STX10: variants seen among roughly 807,000 people sequenced by gnomAD.
The protein encoded by STX10 is syntaxin 10.
STX10 carries 35 observed loss-of-function variants against 34.1 expected under a neutral mutation model. The ratio of observed to expected loss-of-function variants is 1.03; its 90% CI spans 0.78 to 1.36. The LOEUF (loss-of-function observed/expected upper bound fraction) is 1.36, where lower values mean the gene tolerates loss of function less well. Ranked by LOEUF, STX10 falls within the 40% of genes most tolerant of loss-of-function variation. The pLI is 0.00. For synonymous variants in STX10, 155 were observed against 132.9 expected (o/e 1.17, Z -1.15); for missense variants, 361 against 335.5 (o/e 1.08, Z -0.59).
At position 13,149,046 on chromosome 19, in the gene STX10, C is replaced by T. The variant is rs1337288439; in HGVS notation, c.346G>A (p.Glu116Lys). The T allele has an allele frequency of 6.2e-7, 1 of 1,603,392 alleles. No individual in the cohort carries two copies. Among genetic ancestry groups the T allele is most frequent in the South Asian group, 1.1e-5 (1 of 88,916 alleles). The change falls in exon 4 of 8, where the codon GAG becomes AAG. Residue 116 changes from glutamate to lysine, a missense_variant. Coordinates refer to ENST00000587230, the MANE Select transcript of STX10 (RefSeq NM_003765.3). ...MVSPTAVAFL[E>K]RNNREILAGK... ...AGGCTTACCTCTCTGTTATTCCTCT[C>T]CAAAAATGCTACGGCTGTTGGGCTG...
At chr19:13,146,108 A>C (rs1183424384) in intron 4 of STX10, among the ~76,000 whole-genome samples, 2 of 151,764 alleles carry the variant, frequency 1.3e-5, no homozygotes, top group Non-Finnish European at 2.9e-5. Flanking sequence ...AAGGCAGCAG[A>C]ATCGCTTGAA....
chr19:13,146,866 A>T (rs186071524), intron 4 of STX10, among the ~76,000 whole-genome samples: 7 of 151,998 alleles, frequency 4.6e-5, no homozygotes, highest in Non-Finnish European at 1.0e-4. Context: ...TAGAGTTTGG[A>T]CTTGAATTCC....
rs907811157 is a variant in STX10, at chr19:13,145,405, C to T, written c.364-10G>A. On this transcript the variant is annotated splice_polypyrimidine_tract_variant and intron_variant, in intron 4 of 7. Coordinates refer to ENST00000587230, the MANE Select transcript of STX10 (RefSeq NM_003765.3). ...GCTTGCCTGCGAGTATCTGCAGGGG[C>T]ACACAACATAGGCTCAGGGAGAGAC... is the stretch of plus-strand genomic sequence containing the variant. 1.7e-5 allele frequency: 28 copies of T among 1,607,396 alleles called. No homozygotes were observed. The highest frequency in any genetic ancestry group is 2.4e-5 in the Non-Finnish European group (28 of 1,178,570).
rs2019878290 is a variant in STX10 at position 13,145,489 on chromosome 19, ACT to A, written c.364-96_364-95del. ...CCACGGTGGTAAGTCAGGGGGGCAG[ACT>A]CTGGGGCAGGACAGCCTGCATTCCC... On this transcript the variant is annotated intron_variant, in intron 4 of 7. Coordinates refer to ENST00000587230, the MANE Select transcript of STX10 (RefSeq NM_003765.3). 2.6e-5 allele frequency: 26 copies of A among 1,014,730 alleles called. 1 individual carries two copies. The South Asian group carries it at 3.8e-4, about 15-fold the overall frequency. The allele number at this position is 1,014,730 out of a possible 1,614,324, so 62.9% of individuals were successfully genotyped here.
Position 13,144,273 on chromosome 19 carries a change from G to C in STX10, c.*137C>G. ...CCACTGGCTCTAGGGGAGAGCCATG[G>C]GGACAGCTCCCCAGGCGGGACCCTC... is the stretch of plus-strand genomic sequence containing the variant. On this transcript the variant is annotated 3_prime_UTR_variant, in exon 8 of 8. Coordinates refer to ENST00000587230, the MANE Select transcript of STX10 (RefSeq NM_003765.3). 8.1e-7 allele frequency: 1 copy of C among 1,232,680 alleles called. No homozygotes were observed. The highest frequency in any genetic ancestry group is 1.1e-6 in the Non-Finnish European group (1 of 892,762). The allele number at this position is 1,232,680 out of a possible 1,614,324, so 76.4% of individuals were successfully genotyped here.
chr19:13,145,430 C>A (rs1404552945), intron 4 of STX10, 35 bp from the exon 5 acceptor site: 2 of 1,576,200 alleles, frequency 1.3e-6, no homozygotes, highest in East Asian at 2.2e-5. Flanking sequence ...CAGGGAGAGA[C>A]CCCAACTCAC....
chr19:13,146,068 A>G (rs369049479), intron 4 of STX10, among the ~76,000 whole-genome samples: 1 of 149,510 alleles, frequency 6.7e-6, no homozygotes. Flanking sequence ...GTGGCAGTGC[A>G]TGCCTGTAAT....
intron 4 of STX10, among the ~76,000 whole-genome samples, chr19:13,147,438 C>G (rs2019926493): frequency 1.3e-5 from 2 of 151,608 alleles, no homozygotes; most frequent in African/African-American, 2.4e-5. Context: ...GCACCCCAGC[C>G]TGGGCAACAT....
intron 4 of STX10, among the ~76,000 whole-genome samples, chr19:13,147,934 C>A (rs1185796872): frequency 1.4e-5 from 2 of 143,296 alleles, no homozygotes; most frequent in Non-Finnish European, 3.0e-5. Flanking sequence ...GGTGTGGTGG[C>A]ATGTGCCTGT....
chr19:13,145,578 G>A (rs2019880406), intron 4 of STX10, among the ~76,000 whole-genome samples, 183 bp from the exon 5 acceptor site: 1 of 152,160 alleles, frequency 6.6e-6, no homozygotes, highest in Non-Finnish European at 1.5e-5. Flanking sequence ...TTGTGCCTCA[G>A]TTTCCTCATC....
In STX10 at chr19:13,149,728, C is replaced by T. The variant is rs753563309; in HGVS notation, c.205G>A (p.Gly69Ser). Reference protein sequence around the residue: ...WDLEDLEETIGIVEANPGKFK... With the variant: ...WDLEDLEETISIVEANPGKFK... The stretch of plus-strand genomic sequence containing the variant: ...CCTCTGCCACAAAGCCCCAGGATAT[C>T]GATGGTCTCTTCCAGGTCCTCGAGG... The change falls in exon 2 of 8, where the codon GGT (glycine) becomes AGT (serine). Residue 69 changes from glycine (G) to serine (S), a missense_variant and splice_region_variant. Transcript: ENST00000587230. 2 of 1,613,078 alleles carry T rather than the reference C, an allele frequency of 1.2e-6. No homozygotes were observed. Among genetic ancestry groups the T allele is most frequent in the Non-Finnish European group, 1.7e-6 (2 of 1,179,108 alleles).
Position 13,149,822 on chromosome 19 carries a change from C to T in STX10, c.111G>A (p.Ala37=). The T allele has an allele frequency of 6.2e-7, 1 of 1,613,774 alleles. No individual in the cohort carries two copies. Among genetic ancestry groups the T allele is most frequent in the Non-Finnish European group, 8.5e-7 (1 of 1,180,002 alleles). Residue 37 remains alanine, a synonymous_variant, in exon 2 of 8, where the codon GCG becomes GCA. Coordinates refer to ENST00000587230, the MANE Select transcript of STX10 (RefSeq NM_003765.3). ...RWCELLQESA[A]VGREELDWTT... is the part of the protein sequence containing the mutation. ...TCCAGTCCAGCTCCTCGCGTCCGAC[C>T]GCCGCGCTTTCCTGCAGGAGCTCGC... is the stretch of plus-strand genomic sequence containing the variant.
rs536799991 is a variant in STX10 at position 13,150,335 on chromosome 19, C to A, written c.-162G>T. ...AGAGAAGCCTCGGAGGCCCGACGTG[C>A]GGACACTTCCGCCCTCTCCTCAGCC... On this transcript the variant is annotated 5_prime_UTR_variant, in exon 1 of 8. Transcript: ENST00000587230. The surrounding 1 kb of genome is among the most constrained non-coding windows in gnomAD (Gnocchi z 4.0). The A allele has an allele frequency of 9.5e-5, 57 of 599,870 alleles. No homozygotes were observed. In the African/African-American group the frequency reaches 1.1e-3, roughly 11 times the overall value. The allele number at this position is 599,870 out of a possible 1,614,324, so 37.2% of individuals were successfully genotyped here.
chr19:13,149,429 A>G lies in STX10; in HGVS notation c.300+70T>C, dbSNP rs1220838214. On this transcript the variant is annotated intron_variant, in intron 3 of 7. Transcript: ENST00000587230. ...TCTGTCTCAAAAAAAAAAAAAAAAAAGAAAGAAAGAAAGAAAAAAAAACAC... is the reference window on the plus strand; with the variant it reads ...TCTGTCTCAAAAAAAAAAAAAAAAAGGAAAGAAAGAAAGAAAAAAAAACAC... 28 of 1,129,048 alleles carry G rather than the reference A, an allele frequency of 2.5e-5. 1 individual carries two copies. The Middle Eastern group carries it at 8.4e-4, about 34-fold the overall frequency. The allele number at this position is 1,129,048 out of a possible 1,614,324, so 69.9% of individuals were successfully genotyped here.
In STX10 at chr19:13,144,103, A is replaced by G. The variant is rs2019838517; in HGVS notation, c.*307T>C. The G allele has an allele frequency of 2.2e-6, 1 of 446,038 alleles. No homozygotes were observed. The highest frequency in any genetic ancestry group is 3.6e-5 in the East Asian group (1 of 28,114). 27.6% of individuals were successfully genotyped at this position (446,038 alleles called of 1,614,324 possible). ...ATTTTATTTCCAGGTTGGCACGTGT[A>G]TAAGGCACAGGGGCAAATGGCTTTG... On this transcript the variant is annotated 3_prime_UTR_variant, in exon 8 of 8. Transcript: ENST00000587230.
At chr19:13,146,352 T>G (rs534341391) in intron 4 of STX10, among the ~76,000 whole-genome samples, 3 of 152,178 alleles carry the variant, frequency 2.0e-5, no homozygotes, top group Admixed American at 2.0e-4. Flanking sequence ...TGTTTATTTT[T>G]GGGGGGATTT....
At position 13,144,774 on chromosome 19, in the gene STX10, C is replaced by T. The variant is rs73006877; in HGVS notation, c.568G>A (p.Glu190Lys). 2.7e-5 allele frequency: 43 copies of T among 1,613,760 alleles called. No homozygotes were observed. Among genetic ancestry groups the T allele is most frequent in the South Asian group, 6.6e-5 (6 of 91,044 alleles). The change falls in exon 6 of 8, where the codon GAG becomes AAG. Residue 190 changes from glutamate (E) to lysine (K), a missense_variant. Coordinates refer to ENST00000587230, the MANE Select transcript of STX10 (RefSeq NM_003765.3). Reference sequence around the variant, plus strand: ...GGGTCCTGGCCTCACATGCCCTGCTCGTCCAGCTCTTCTCCAACGCGGCCG... The same window carrying T: ...GGGTCCTGGCCTCACATGCCCTGCTTGTCCAGCTCTTCTCCAACGCGGCCG... ...MSGRVGEELD[E>K]QGIMLDAFAQ...
Position 13,144,545 on chromosome 19 carries a change from C to A in STX10, c.673+32G>T, listed in dbSNP as rs779935082. ...GGGTACCACCTACAACCTGCCCCCA[C>A]CAGGACTGACCCCTCCCCTGAGGGG... is the stretch of plus-strand genomic sequence containing the variant. On this transcript the variant is annotated intron_variant, in intron 7 of 7. Coordinates refer to ENST00000587230, the MANE Select transcript of STX10 (RefSeq NM_003765.3). 9.3e-6 allele frequency: 15 copies of A among 1,613,946 alleles called. 1 individual carries two copies. The South Asian group carries it at 1.6e-4, about 18-fold the overall frequency.
At chr19:13,149,162 A>G (rs1600024179) in intron 3 of STX10, 71 bp from the exon 4 acceptor site, 2 of 1,397,462 alleles carry the variant, frequency 1.4e-6, no homozygotes. Flanking sequence ...CTGTAATCCT[A>G]GCACTTTGAG....
Sources: allele counts gnomAD v4.1 joint callset (sites outside exome capture counted in the v4.1 genomes callset), GRCh38; gene constraint gnomAD v4.1.1; non-coding constraint Gnocchi (gnomAD v3.1); transcripts MANE v1.5; gene names NCBI Gene and HGNC (gene_info 2026-07-23, HGNC 2026-07-21).